Variants in PMFBP1 observed in about 807,000 individuals in gnomAD.
PMFBP1 encodes the protein polyamine modulated factor 1 binding protein 1, also known as polyamine-modulated factor 1-binding protein 1.
Under a neutral mutation model 137.8 loss-of-function variants are expected in PMFBP1, and 131 were observed. That is an observed-to-expected ratio of 0.95 (90% CI 0.82 to 1.10). The LOEUF is 1.10. Among genes scored for constraint, PMFBP1 ranks in the 50% least tolerant of loss-of-function variants. PMFBP1 has a pLI of 0.00. For missense variants in PMFBP1, 1,199 were observed against 1,175.4 expected, an observed-to-expected ratio of 1.02 and a Z score of -0.29; for synonymous variants, 490 against 450.4, an observed-to-expected ratio of 1.09 and a Z score of -1.11.
In PMFBP1 at chr16:72,129,150, C is replaced by T. The variant is rs746489903; in HGVS notation, c.1866G>A (p.Gln622=). 4 of 1,614,270 alleles carry T rather than the reference C, an allele frequency of 2.5e-6. No homozygotes were observed. Among genetic ancestry groups the T allele is most frequent in the Non-Finnish European group, 3.4e-6 (4 of 1,180,050 alleles). Residue 622 remains glutamine (Q), a synonymous_variant, in exon 13 of 21, where the codon CAG becomes CAA. Coordinates refer to ENST00000237353, the MANE Select transcript of PMFBP1 (RefSeq NM_031293.3). The part of the protein sequence containing the change: ...ATKLLEDKRE[Q]LKKSKEHEKL... Reference sequence around the variant, plus strand: ...TCTCATGCTCTTTGCTCTTCTTCAACTGCTCCCGTTTGTCCTCCAGAAGCT... The same window carrying T: ...TCTCATGCTCTTTGCTCTTCTTCAATTGCTCCCGTTTGTCCTCCAGAAGCT...
At chr16:72,132,691 A>G (rs1272159355) in intron 10 of PMFBP1, 57 bp downstream of exon 10, 6 of 1,608,474 alleles carry the variant, frequency 3.7e-6, no homozygotes, top group Non-Finnish European at 5.1e-6. Context: ...TGGCTGCTCT[A>G]GGGCTGCTCT....
chr16:72,149,465 C>T (rs956069051), intron 5 of PMFBP1, among the ~76,000 whole-genome samples: 1 of 152,056 alleles, frequency 6.6e-6, no homozygotes, highest in Non-Finnish European at 1.5e-5. Flanking sequence ...GAGGAAAAAA[C>T]AGGTCAATAG....
downstream of PMFBP1, among the ~76,000 whole-genome samples, chr16:72,116,913 T>A: frequency 6.6e-6 from 1 of 152,070 alleles, no homozygotes; most frequent in East Asian, 1.9e-4. Context: ...TTACTGTAGG[T>A]TTGTAGTAAG....
At chr16:72,196,302 G>T in the PMFBP1 span, among the ~76,000 whole-genome samples, 2 of 152,130 alleles carry the variant, frequency 1.3e-5, no homozygotes, top group African/African-American at 2.4e-5. Flanking sequence ...ACACTCATTT[G>T]TGTTAGACAA....
the PMFBP1 span, among the ~76,000 whole-genome samples, chr16:72,213,975 G>C: frequency 2.0e-5 from 3 of 152,166 alleles, no homozygotes; most frequent in Non-Finnish European, 4.4e-5. Flanking sequence ...AACAAGGAGT[G>C]ATAGGTGGAA....
At chr16:72,140,668 C>G in intron 5 of PMFBP1, 86 bp from the exon 6 acceptor site, 3 of 1,258,284 alleles carry the variant, frequency 2.4e-6, no homozygotes, top group Non-Finnish European at 3.4e-6. Context: ...ATCTCTAGAC[C>G]TATATTCTAA....
chr16:72,158,464 G>A (rs1439818286), intron 3 of PMFBP1, among the ~76,000 whole-genome samples: 4 of 152,058 alleles, frequency 2.6e-5, no homozygotes, highest in African/African-American at 9.7e-5. Flanking sequence ...GAAGAGAGTT[G>A]GGAGTGGCGT....
chr16:72,205,391 A>C, the PMFBP1 span, among the ~76,000 whole-genome samples: 1 of 152,170 alleles, frequency 6.6e-6, no homozygotes, highest in South Asian at 2.1e-4. Context: ...GAGCATAATA[A>C]GTTTCTCATG....
the PMFBP1 span, among the ~76,000 whole-genome samples, chr16:72,188,623 G>A: frequency 5.9e-5 from 9 of 152,162 alleles, no homozygotes; most frequent in African/African-American, 1.9e-4. Flanking sequence ...TCAACTGATG[G>A]GATACAGAAA....
chr16:72,129,290 AAAAATACAG>A, intron 12 of PMFBP1, 57 bp from the exon 13 acceptor site: 3 of 1,554,730 alleles, frequency 1.9e-6, no homozygotes, highest in Non-Finnish European at 2.6e-6. Flanking sequence ...TATTTGGGGG[AAAAATACAG>A]ACAATTGCAC....
chr16:72,146,890 A>G (rs943540255), intron 5 of PMFBP1, among the ~76,000 whole-genome samples: 5 of 152,236 alleles, frequency 3.3e-5, no homozygotes, highest in African/African-American at 1.2e-4. Context: ...AAACAAATGG[A>G]AGAACATTCC....
upstream of PMFBP1, among the ~76,000 whole-genome samples, chr16:72,179,933 A>G (rs2043270688): frequency 6.6e-6 from 1 of 152,194 alleles, no homozygotes. Flanking sequence ...TGCTGCTGGC[A>G]CCAAACCACA....
chr16:72,147,890 T>C (rs1232353189), intron 5 of PMFBP1, among the ~76,000 whole-genome samples: 1 of 152,088 alleles, frequency 6.6e-6, no homozygotes, highest in Non-Finnish European at 1.5e-5. Context: ...GGAGAGGATG[T>C]AGAGAAATAG....
chr16:72,205,027 T>G, the PMFBP1 span, among the ~76,000 whole-genome samples: 1 of 152,200 alleles, frequency 6.6e-6, no homozygotes, highest in South Asian at 2.1e-4. Context: ...CCCTATGTAC[T>G]AACTACTCAT....
chr16:72,119,690 C>T (rs1224601151), intron 20 of PMFBP1, 161 bp downstream of exon 20: 5 of 1,461,344 alleles, frequency 3.4e-6, no homozygotes, highest in Non-Finnish European at 4.5e-6. Context: ...TAATTTGCCT[C>T]CTCCCTTTAC....
chr16:72,186,908 T>C, the PMFBP1 span, among the ~76,000 whole-genome samples: 7 of 151,526 alleles, frequency 4.6e-5, no homozygotes, highest in Non-Finnish European at 8.8e-5. Flanking sequence ...AGGTCAAGGG[T>C]TCGAGACAAG....
chr16:72,177,027 G>T (rs1322539058), upstream of PMFBP1: 1 of 152,174 alleles, frequency 6.6e-6, no homozygotes, highest in Non-Finnish European at 1.5e-5. Flanking sequence ...AACAGCCAGG[G>T]TCAGGGAGAG....
chr16:72,181,229 C>T (rs1282503192), upstream of PMFBP1, among the ~76,000 whole-genome samples: 3 of 148,902 alleles, frequency 2.0e-5, no homozygotes, highest in African/African-American at 7.4e-5. Context: ...CAGAGCAAGA[C>T]TTCATCTCAA....
chr16:72,185,743 T>C, the PMFBP1 span, among the ~76,000 whole-genome samples: 9 of 152,102 alleles, frequency 5.9e-5, no homozygotes, highest in Admixed American at 3.9e-4. Context: ...TGGCACATAG[T>C]GGATGCTCAG....
Sources: gnomAD v4.1 joint callset for allele counts (sites outside exome capture counted in the v4.1 genomes callset) on GRCh38, gnomAD v4.1.1 for gene constraint, MANE v1.5 for transcripts, NCBI Gene and HGNC (gene_info 2026-07-23, HGNC 2026-07-21) for gene names.